TENT4B: variants seen among roughly 807,000 people sequenced by gnomAD.
TENT4B encodes PAP associated domain containing 5.
A neutral mutation model predicts 75.0 loss-of-function variants in TENT4B; 10 were observed. The ratio of observed to expected loss-of-function variants is 0.13; its 90% CI spans 0.08 to 0.23. TENT4B has a LOEUF of 0.23. Among genes scored for constraint, TENT4B ranks in the 10% least tolerant of loss-of-function variants. The pLI, the probability that TENT4B is intolerant of heterozygous loss-of-function variation, is 1.00. For synonymous variants in TENT4B, 350 were observed against 357.7 expected (o/e 0.98, Z 0.24); for missense variants, 579 against 893.8 (o/e 0.65, Z 4.49).
At chr16:50,187,161 G>C (rs1596688408) in intron 1 of TENT4B, among the ~76,000 whole-genome samples, 1 of 152,198 alleles carries the variant, frequency 6.6e-6, no homozygotes, top group East Asian at 1.9e-4. Context: ...ATATATCTAA[G>C]AGACCATTGC....
chr16:50,157,623 G>A (rs74561428), intron 1 of TENT4B, among the ~76,000 whole-genome samples: 28,466 of 152,008 alleles, frequency 0.19, 2,820 homozygotes, highest in East Asian at 0.25. Flanking sequence ...TGGAGACAGG[G>A]TCTCGCTCTG....
chr16:50,163,978 A>G (rs893415536), intron 1 of TENT4B, among the ~76,000 whole-genome samples: 1 of 151,452 alleles, frequency 6.6e-6, no homozygotes, highest in African/African-American at 2.4e-5. Context: ...ACCAACATGG[A>G]TAAACCGCCT....
rs1014868139 is a variant in TENT4B at position 50,231,883 on chromosome 16, T to C, written c.*2555T>C. 2.5e-5 allele frequency: 25 copies of C among 981,968 alleles called. No individual in the cohort carries two copies. The African/African-American group carries it at 4.0e-4, about 16-fold the overall frequency. 60.8% of individuals were successfully genotyped at this position (981,968 alleles called of 1,614,324 possible). On this transcript the variant is annotated 3_prime_UTR_variant, in exon 12 of 12. Transcript: ENST00000561678. ...TTTCATCTATTTGACTCCTATCTTA[T>C]TTCTTTTTTGAGTTTTAATACTTCC... is the stretch of plus-strand genomic sequence containing the variant.
At chr16:50,176,560 G>A (rs2038314929) in intron 1 of TENT4B, among the ~76,000 whole-genome samples, 1 of 118,324 alleles carries the variant, frequency 8.5e-6, no homozygotes, top group African/African-American at 3.2e-5. Context: ...AGGCTGGAGT[G>A]CAGCGGTGCA....
intron 1 of TENT4B, 34 bp downstream of exon 1, chr16:50,154,293 C>G: frequency 1.4e-6 from 2 of 1,387,730 alleles, no homozygotes; most frequent in Non-Finnish European, 1.9e-6. Flanking sequence ...ATGGCCTGGC[C>G]GGTGCGAATG....
At chr16:50,229,014 A>G in intron 11 of TENT4B, 138 bp from the exon 12 acceptor site, 1 of 1,468,934 alleles carries the variant, frequency 6.8e-7, no homozygotes, top group Non-Finnish European at 9.0e-7. Flanking sequence ...TCTGCCCACT[A>G]GATAAGTCAG....
At chr16:50,160,595 A>G (rs2037985898) in intron 1 of TENT4B, among the ~76,000 whole-genome samples, 2 of 152,216 alleles carry the variant, frequency 1.3e-5, no homozygotes, top group South Asian at 4.1e-4. Flanking sequence ...AGAAGGGTCC[A>G]TGGGAACAGA....
intron 1 of TENT4B, among the ~76,000 whole-genome samples, chr16:50,191,646 G>A (rs1055450274): frequency 2.6e-5 from 4 of 151,386 alleles, no homozygotes; most frequent in East Asian, 1.9e-4. Flanking sequence ...TAGGCCAGGC[G>A]CAGTGGCTCA....
chr16:50,223,150 T>C (rs770862350), intron 6 of TENT4B, 24 bp from the exon 7 acceptor site: 4 of 1,530,250 alleles, frequency 2.6e-6, no homozygotes, highest in Non-Finnish European at 3.6e-6. Context: ...AAATCCAATA[T>C]AATTTCTTCT....
chr16:50,174,626 T>C (rs966775769), intron 1 of TENT4B, among the ~76,000 whole-genome samples: 7 of 152,254 alleles, frequency 4.6e-5, no homozygotes, highest in South Asian at 2.1e-4. Context: ...CAATAAATTA[T>C]TATCTATAAG....
At chr16:50,175,932 AC>A (rs2038299526) in intron 1 of TENT4B, among the ~76,000 whole-genome samples, 2 of 151,700 alleles carry the variant, frequency 1.3e-5, no homozygotes, top group Non-Finnish European at 2.9e-5. Context: ...ACAGGTGAGC[AC>A]CACTCTGACC....
In TENT4B at chr16:50,230,564, G is replaced by C. The variant is rs2032258605; in HGVS notation, c.*1236G>C. ...TATTGTTGATCTTTACAAATTAAAT[G>C]GTCTTTGATAATGGATCTATTTTGT... is the stretch of plus-strand genomic sequence containing the variant. On this transcript the variant is annotated 3_prime_UTR_variant, in exon 12 of 12. Coordinates refer to ENST00000561678, the MANE Select transcript of TENT4B (RefSeq NM_001365324.3). 1 of 975,996 alleles carries C rather than the reference G, an allele frequency of 1.0e-6. No homozygotes were observed. The highest frequency in any genetic ancestry group is 4.7e-5 in the South Asian group (1 of 21,058). 60.5% of individuals were successfully genotyped at this position (975,996 alleles called of 1,614,324 possible). A position where few individuals can be genotyped will look rare whatever the true frequency, so the allele number is the denominator to read the frequency against.
At chr16:50,160,997 C>G (rs2037993687) in intron 1 of TENT4B, among the ~76,000 whole-genome samples, 1 of 152,134 alleles carries the variant, frequency 6.6e-6, no homozygotes, top group Non-Finnish European at 1.5e-5. Context: ...TTACCAGCAC[C>G]TGGTATTTGC....
At chr16:50,162,786 C>G (rs935669152) in intron 1 of TENT4B, among the ~76,000 whole-genome samples, 2 of 152,098 alleles carry the variant, frequency 1.3e-5, no homozygotes, top group East Asian at 3.8e-4. Flanking sequence ...AGATCTTTAG[C>G]CTCGTTTTCT....
intron 1 of TENT4B, among the ~76,000 whole-genome samples, chr16:50,203,410 T>A (rs2030767924): frequency 1.3e-5 from 2 of 152,270 alleles, no homozygotes; most frequent in African/African-American, 4.8e-5. Context: ...CCTTGTATTG[T>A]TATCAGTACT....
chr16:50,232,003 T>TG lies in TENT4B; in HGVS notation c.*2678dup, dbSNP rs1412793452. 1.2e-5 allele frequency: 12 copies of TG among 985,048 alleles called. No homozygotes were observed. The highest frequency in any genetic ancestry group is 1.3e-5 in the Non-Finnish European group (11 of 829,670). The allele number at this position is 985,048 out of a possible 1,614,324, so 61.0% of individuals were successfully genotyped here. On this transcript the variant is annotated 3_prime_UTR_variant, in exon 12 of 12. Coordinates refer to ENST00000561678, the MANE Select transcript of TENT4B (RefSeq NM_001365324.3). ...CCTTCCTTTGCTAATACTTGTTGAA[T>TG]GGGATTTTACAAATTCTCCCTCACT... is the stretch of plus-strand genomic sequence containing the variant.
At chr16:50,205,630 A>G (rs1174058271) in intron 1 of TENT4B, among the ~76,000 whole-genome samples, 4 of 108,908 alleles carry the variant, frequency 3.7e-5, no homozygotes, top group African/African-American at 1.1e-4. Context: ...TTGCTCTGTT[A>G]TCCAGGCTGG....
intron 1 of TENT4B, among the ~76,000 whole-genome samples, chr16:50,188,057 A>G (rs947825852): frequency 2.0e-5 from 3 of 152,158 alleles, no homozygotes; most frequent in Admixed American, 6.5e-5. Flanking sequence ...GTGAACCACT[A>G]CACCTGGCCT....
rs1445737118 is a variant in TENT4B at position 50,231,460 on chromosome 16, GTTGTTTTTTGT to G, written c.*2141_*2151del. ...CATTTACCACACTGAAGTTTTTTTTGTTGTTTTTTGTTTGTTTTTAAAGAATCACCCTCATT... is the reference window on the plus strand; with the variant it reads ...CATTTACCACACTGAAGTTTTTTTTGTTGTTTTTAAAGAATCACCCTCATT... On this transcript the variant is annotated 3_prime_UTR_variant, in exon 12 of 12. Coordinates refer to ENST00000561678, the MANE Select transcript of TENT4B (RefSeq NM_001365324.3). 1 of 985,418 alleles carries G rather than the reference GTTGTTTTTTGT, an allele frequency of 1.0e-6. No homozygotes were observed. Among genetic ancestry groups the G allele is most frequent in the Non-Finnish European group, 1.2e-6 (1 of 829,750 alleles). The allele number at this position is 985,418 out of a possible 1,614,324, so 61.0% of individuals were successfully genotyped here.
Sources: gnomAD v4.1 joint callset for allele counts (sites outside exome capture counted in the v4.1 genomes callset) on GRCh38, gnomAD v4.1.1 for gene constraint, MANE v1.5 for transcripts, NCBI Gene and HGNC (gene_info 2026-07-23, HGNC 2026-07-21) for gene names.